Variants in ANKRD13B observed in about 807,000 individuals in gnomAD.
ANKRD13B encodes the protein ankyrin repeat domain 13B.
ANKRD13B carries 33 observed loss-of-function variants against 74.4 expected under a neutral mutation model. The ratio of observed to expected loss-of-function variants is 0.44; its 90% CI spans 0.34 to 0.59. ANKRD13B has a LOEUF of 0.59. Ranked by LOEUF, ANKRD13B falls within the 20% of genes least tolerant of loss-of-function variation. The probability of loss-of-function intolerance (pLI) is 0.02; values close to 1 mark genes in which losing one functional copy is unlikely to be tolerated. For synonymous variants in ANKRD13B, 341 were observed against 362.9 expected, an observed-to-expected ratio of 0.94 and a Z score of 0.68; for missense variants, 676 against 877.9, an observed-to-expected ratio of 0.77 and a Z score of 2.91.
Position 29,610,671 on chromosome 17 carries a change from T to C in ANKRD13B, c.823-14T>C. The C allele has an allele frequency of 9.9e-6, 16 of 1,613,472 alleles. No homozygotes were observed. Among genetic ancestry groups the C allele is most frequent in the Non-Finnish European group, 1.4e-5 (16 of 1,179,648 alleles). ...CCAGAACTGCTTATGAGCCCTTTCT[T>C]CATCTGTCCCCAGGTGTATGGGGCA... On this transcript the variant is annotated splice_polypyrimidine_tract_variant and intron_variant, in intron 7 of 14. Transcript: ENST00000394859.
rs1022630705 is a variant in ANKRD13B, at chr17:29,609,873, A to T, written c.822+452A>T. Among the ~76,000 whole-genome samples, 30 of 152,000 alleles carry T rather than the reference A, an allele frequency of 2.0e-4. No individual in the cohort carries two copies. Among genetic ancestry groups the T allele is most frequent in the Non-Finnish European group, 1.3e-4 (9 of 68,002 alleles). ...TGGGGTTCAGATCCTGGCTGGCCTG[A>T]CCCTAGAGCCAGGCCTTTATCCCTA... On this transcript the variant is annotated intron_variant, in intron 7 of 14. Coordinates refer to ENST00000394859, the MANE Select transcript of ANKRD13B (RefSeq NM_152345.5). The surrounding 1 kb of genome is among the most constrained non-coding windows in gnomAD (Gnocchi z 4.0).
intron 14 of ANKRD13B, 55 bp from the exon 15 acceptor site, chr17:29,613,299 C>G: frequency 4.3e-6 from 6 of 1,385,610 alleles, no homozygotes; most frequent in Non-Finnish European, 5.6e-6. Flanking sequence ...TGTCCCGGCC[C>G]CGGCCGGTGG....
Position 29,614,235 on chromosome 17 carries a change from ATT to A in ANKRD13B, c.*671_*672del, listed in dbSNP as rs556384866. The A allele has an allele frequency of 4.5e-4, 58 of 127,632 alleles. No homozygotes were observed. The highest frequency in any genetic ancestry group is 6.7e-4 in the East Asian group (3 of 4,484). The allele number at this position is 127,632 out of a possible 1,614,324, so 7.9% of individuals were successfully genotyped here. On this transcript the variant is annotated 3_prime_UTR_variant, in exon 15 of 15. Coordinates refer to ENST00000394859, the MANE Select transcript of ANKRD13B (RefSeq NM_152345.5). ...GTTGGAGTCCCATCCCCCAAGGCAC[ATT>A]TTTTTTTTTTTTTTTTTGTGATCAG...
chr17:29,612,072 G>T lies in ANKRD13B; in HGVS notation c.1101-44G>T, dbSNP rs776021756. On this transcript the variant is annotated intron_variant, in intron 10 of 14. Transcript: ENST00000394859. This position sits in a 1 kb window ranked among gnomAD's most constrained non-coding sequence, Gnocchi z 6.1. ...CTCCAGGAGATGCTGGGAGGCCATG[G>T]CTTCCTGCAGTGTCCCTTACCCCTT... 2 of 1,609,438 alleles carry T rather than the reference G, an allele frequency of 1.2e-6. No individual in the cohort carries two copies. The highest frequency in any genetic ancestry group is 4.5e-5 in the East Asian group (2 of 44,746).
At chr17:29,594,706 GC>G (rs2033891669) in intron 1 of ANKRD13B, among the ~76,000 whole-genome samples, 1 of 152,244 alleles carries the variant, frequency 6.6e-6, no homozygotes, top group Non-Finnish European at 1.5e-5. Context: ...CTTGCTGCAG[GC>G]TGAGAACCCC....
chr17:29,595,728 G>C (rs1319119744), intron 1 of ANKRD13B, among the ~76,000 whole-genome samples: 1 of 152,160 alleles, frequency 6.6e-6, no homozygotes, highest in Non-Finnish European at 1.5e-5. Flanking sequence ...GCCTGTCCTG[G>C]ATCCAGGCCA....
At chr17:29,610,824 A>T in intron 8 of ANKRD13B, 58 bp downstream of exon 8, 1 of 1,524,582 alleles carries the variant, frequency 6.6e-7, no homozygotes, top group Non-Finnish European at 9.0e-7. Flanking sequence ...ACCAGCTCCC[A>T]CTTCAGTGCT....
intron 1 of ANKRD13B, among the ~76,000 whole-genome samples, chr17:29,606,818 C>T (rs893925952): frequency 3.3e-5 from 5 of 150,754 alleles, no homozygotes; most frequent in Non-Finnish European, 7.4e-5. Flanking sequence ...GGAGCCCGAG[C>T]CAGGTGGATC....
chr17:29,613,325 A>G (rs1032284044), intron 14 of ANKRD13B, 29 bp from the exon 15 acceptor site: 1 of 1,400,916 alleles, frequency 7.1e-7, no homozygotes, highest in Non-Finnish European at 9.2e-7. Context: ...TGCGCCCGGG[A>G]GCCCGCGACA....
In ANKRD13B at chr17:29,607,681, C is replaced by G. The variant is rs572270274; in HGVS notation, c.115-61C>G. On this transcript the variant is annotated intron_variant, in intron 1 of 14. Transcript: ENST00000394859. ...TGCTGCCTGCTCCAGGGCTGTCTGG[C>G]TCCGGAGGGCTGCCTCCGACGTGAC... 148 of 1,549,124 alleles carry G rather than the reference C, an allele frequency of 9.6e-5. No homozygotes were observed. In the African/African-American group the frequency reaches 1.6e-3, roughly 17 times the overall value.
At chr17:29,603,150 A>G (rs576022107) in intron 1 of ANKRD13B, among the ~76,000 whole-genome samples, 3 of 152,176 alleles carry the variant, frequency 2.0e-5, no homozygotes, top group African/African-American at 4.8e-5. Flanking sequence ...CACCCGGCCT[A>G]TTTCTCTAAA....
chr17:29,613,093 C>G, intron 14 of ANKRD13B, 130 bp downstream of exon 14: 1 of 1,306,446 alleles, frequency 7.7e-7, no homozygotes, highest in South Asian at 1.3e-5. Context: ...TCTGCCACCA[C>G]TCCTGCCTCC....
rs571932725 is a variant in ANKRD13B at position 29,612,663 on chromosome 17, G to A, written c.1423G>A (p.Gly475Ser). The A allele has an allele frequency of 5.1e-6, 8 of 1,557,054 alleles. No homozygotes were observed. In the Admixed American group the frequency reaches 5.6e-5, roughly 11 times the overall value. Residue 475 changes from glycine to serine, a missense_variant, in exon 13 of 15, where the codon GGC becomes AGC. Transcript: ENST00000394859. The surrounding 1 kb of genome is among the most constrained non-coding windows in gnomAD (Gnocchi z 6.1). Reference protein sequence around the residue: ...SSSSSTTSCRGCEISPALFEA... With the variant: ...SSSSSTTSCRSCEISPALFEA... ...CCCCGCGCCCCCAGCCTCCTGCCGC[G>A]GCTGCGAGATCTCCCCAGCGTTGTT...
At chr17:29,602,394 C>CA (rs61476683) in intron 1 of ANKRD13B, among the ~76,000 whole-genome samples, 74,163 of 117,266 alleles carry the variant, frequency 0.63, 21,750 homozygotes, top group African/African-American at 0.78. Flanking sequence ...GATTCCATCT[C>CA]AAAAAAAAAA....
rs1230774211 is a variant in ANKRD13B at position 29,611,125 on chromosome 17, T to C, written c.904+359T>C. On this transcript the variant is annotated intron_variant, in intron 8 of 14. Transcript: ENST00000394859. This position sits in a 1 kb window ranked among gnomAD's most constrained non-coding sequence, Gnocchi z 4.3. ...AGGGGACCTTGCCACAGATTCTGTA[T>C]GCCCATTGATGCCACACCTGATTCT... Among the ~76,000 whole-genome samples the C allele has an allele frequency of 6.6e-6, 1 of 152,184 alleles. No homozygotes were observed. Among genetic ancestry groups the C allele is most frequent in the Non-Finnish European group, 1.5e-5 (1 of 68,026 alleles).
chr17:29,600,733 G>C (rs1371107621), intron 1 of ANKRD13B, among the ~76,000 whole-genome samples: 1 of 152,040 alleles, frequency 6.6e-6, no homozygotes, highest in African/African-American at 2.4e-5. Context: ...TTTCAGGGGG[G>C]CTGGGGGTCA....
Position 29,613,782 on chromosome 17 carries a change from G to A in ANKRD13B, c.*200G>A, listed in dbSNP as rs148193762. 1.7e-3 allele frequency: 1,380 copies of A among 813,302 alleles called. 19 individuals are homozygous for A. In the African/African-American group the frequency reaches 0.023, roughly 13 times the overall value. 50.4% of individuals were successfully genotyped at this position (813,302 alleles called of 1,614,324 possible). A position where few individuals can be genotyped will look rare whatever the true frequency, so the allele number is the denominator to read the frequency against. On this transcript the variant is annotated 3_prime_UTR_variant, in exon 15 of 15. Transcript: ENST00000394859. ...ACCTTCCCAGGCCAGGGCCCTGGAG[G>A]CAACTGGCACGGCCTGGTCCCCCTG...
In ANKRD13B at chr17:29,612,526, C is replaced by T; in HGVS notation, c.1383C>T (p.Ser461=). The T allele has an allele frequency of 6.4e-7, 1 of 1,570,124 alleles. No individual in the cohort carries two copies. The highest frequency in any genetic ancestry group is 1.2e-5 in the South Asian group (1 of 86,040). The change falls in exon 12 of 15, where the codon TCC becomes TCT. Residue 461 remains serine, a synonymous_variant. Coordinates refer to ENST00000394859, the MANE Select transcript of ANKRD13B (RefSeq NM_152345.5). The surrounding 1 kb of genome is among the most constrained non-coding windows in gnomAD (Gnocchi z 6.1). ...AGACGCCTTCCCCAGGCAGCGACTC[C>T]TCCAGCGTCAGCAGCTCCAGCTCCA... The part of the protein sequence containing the change: ...SSETPSPGSD[S]SSVSSSSSTT...
In ANKRD13B at chr17:29,612,753, G is replaced by T; in HGVS notation, c.1513G>T (p.Asp505Tyr). The change falls in exon 13 of 15, where the codon GAC (aspartate) becomes TAC (tyrosine). Residue 505 changes from aspartate to tyrosine, a missense_variant. Physicochemically the swap from Asp to Tyr is radical, Grantham distance 160 (BLOSUM62 -3). Around this residue, in one of 4 missense-constraint regions of ANKRD13B, gnomAD observed 152 missense variants for 181.4 expected, o/e 0.84. Coordinates refer to ENST00000394859, the MANE Select transcript of ANKRD13B (RefSeq NM_152345.5). This position sits in a 1 kb window ranked among gnomAD's most constrained non-coding sequence, Gnocchi z 6.1. The part of the protein sequence containing the change: ...QREAATRDDD[D>Y]DLLQFAIQQS... ...GGAGGCGGCGACCCGGGACGACGAC[G>T]ACGACCTGCTGCAATTCGCCATCCA... 6.2e-7 allele frequency: 1 copy of T among 1,602,626 alleles called. No homozygotes were observed.
Sources: gnomAD v4.1 joint callset for allele counts (sites outside exome capture counted in the v4.1 genomes callset) on GRCh38, gnomAD v4.1.1 for gene constraint, gnomAD v4.1.1 regional missense constraint, Gnocchi (gnomAD v3.1) non-coding constraint, MANE v1.5 for transcripts, NCBI Gene and HGNC (gene_info 2026-07-23, HGNC 2026-07-21) for gene names.